CSMD1: variants seen among roughly 807,000 people sequenced by gnomAD.
The protein encoded by CSMD1 is CUB and sushi domain-containing protein 1.
In CSMD1, 213 loss-of-function variants were observed where a neutral mutation model predicts 417.5. The observed-to-expected ratio is 0.51, with a 90% CI of 0.46 to 0.57. CSMD1 has a LOEUF of 0.57. Among genes scored for constraint, CSMD1 ranks in the 20% least tolerant of loss-of-function variants. The pLI is 0.00. For synonymous variants in CSMD1, 2,862 were observed against 1,736.8 expected (o/e 1.65, Z -16.11); for missense variants, 6,923 against 4,529.7 (o/e 1.53, Z -15.17).
At chr8:4,952,930 A>C (rs749711137) in intron 1 of CSMD1, among the ~76,000 whole-genome samples, 2 of 152,180 alleles carry the variant, frequency 1.3e-5, no homozygotes, top group Non-Finnish European at 2.9e-5. Context: ...ACTGCTACAT[A>C]CTACAAGACA....
chr8:3,035,179 T>C (rs1585197056), intron 50 of CSMD1, among the ~76,000 whole-genome samples: 1 of 152,254 alleles, frequency 6.6e-6, no homozygotes, highest in South Asian at 2.1e-4. Context: ...ACAGGGCTGT[T>C]CCCTGTACCT....
chr8:3,542,935 G>A (rs569176392), intron 10 of CSMD1, among the ~76,000 whole-genome samples: 10 of 150,806 alleles, frequency 6.6e-5, no homozygotes, highest in Non-Finnish European at 1.5e-4. Context: ...GCTCTCCTGA[G>A]ACTTGGGGGA....
chr8:3,468,515 A>G (rs1816910529), intron 12 of CSMD1, among the ~76,000 whole-genome samples, 197 bp downstream of exon 12: 1 of 152,182 alleles, frequency 6.6e-6, no homozygotes, highest in African/African-American at 2.4e-5. Context: ...TATCATGGCA[A>G]GCCGAGTTTT....
intron 18 of CSMD1, chr8:3,375,008 A>C (rs1810215962): frequency 6.6e-6 from 1 of 152,214 alleles, no homozygotes; most frequent in African/African-American, 2.4e-5. Flanking sequence ...TCCGTGTTAG[A>C]GACGGCAGTG....
intron 3 of CSMD1, among the ~76,000 whole-genome samples, chr8:4,220,949 G>A (rs148902892): frequency 3.8e-4 from 58 of 152,284 alleles, no homozygotes; most frequent in East Asian, 2.1e-3. Context: ...CACACCACAC[G>A]GTTGAGTGCG....
At chr8:4,348,976 C>G (rs185165703) in intron 3 of CSMD1, among the ~76,000 whole-genome samples, 222 of 152,232 alleles carry the variant, frequency 1.5e-3, no homozygotes, top group African/African-American at 4.9e-3. Flanking sequence ...GCACCATATG[C>G]AAAAACAGGA....
chr8:3,588,841 G>A (rs773326980), intron 8 of CSMD1, among the ~76,000 whole-genome samples: 1 of 152,004 alleles, frequency 6.6e-6, no homozygotes, highest in Non-Finnish European at 1.5e-5. Context: ...CTGCTAATGC[G>A]TTCATATCCA....
At chr8:3,057,355 T>A (rs1433581611) in intron 49 of CSMD1, among the ~76,000 whole-genome samples, 1 of 152,186 alleles carries the variant, frequency 6.6e-6, no homozygotes, top group Non-Finnish European at 1.5e-5. Flanking sequence ...TTAGTAAGAT[T>A]ATAATCAAAT....
intron 1 of CSMD1, among the ~76,000 whole-genome samples, chr8:4,798,927 A>C (rs1477046836): frequency 6.6e-6 from 1 of 152,214 alleles, no homozygotes; most frequent in African/African-American, 2.4e-5. Flanking sequence ...AACTGTTTGC[A>C]TCGGCCATTC....
intron 12 of CSMD1, among the ~76,000 whole-genome samples, chr8:3,466,290 T>G (rs538632854): frequency 3.5e-4 from 54 of 152,254 alleles, no homozygotes; most frequent in Non-Finnish European, 6.8e-4. Flanking sequence ...GAACCAGTAT[T>G]CAGGGGAGTA....
chr8:4,582,852 G>T (rs573151445), intron 2 of CSMD1, among the ~76,000 whole-genome samples: 1 of 152,214 alleles, frequency 6.6e-6, no homozygotes, highest in African/African-American at 2.4e-5. Flanking sequence ...GGGAACCAGG[G>T]CTGTGCGAGG....
chr8:4,939,845 G>A (rs1190646134), intron 1 of CSMD1, among the ~76,000 whole-genome samples: 1 of 152,066 alleles, frequency 6.6e-6, no homozygotes, highest in Admixed American at 6.5e-5. Flanking sequence ...TAGCATGGAA[G>A]TGAATAAGCT....
At chr8:3,635,248 G>C (rs776251752) in intron 7 of CSMD1, among the ~76,000 whole-genome samples, 41 of 151,972 alleles carry the variant, frequency 2.7e-4, no homozygotes, top group Non-Finnish European at 4.7e-4. Flanking sequence ...ATCCTAGGTG[G>C]GTGGATCATG....
intron 1 of CSMD1, among the ~76,000 whole-genome samples, chr8:4,698,899 T>C (rs1807313979): frequency 7.2e-6 from 1 of 138,598 alleles, no homozygotes; most frequent in South Asian, 2.4e-4. Context: ...GTGCATACCC[T>C]CCCAACACAC....
intron 54 of CSMD1, among the ~76,000 whole-genome samples, chr8:2,985,442 T>C (rs817250): frequency 0.024 from 2,946 of 122,240 alleles, 67 homozygotes; most frequent in African/African-American, 0.11. Context: ...TGCTACACTG[T>C]TTCACCACGT....
chr8:3,474,106 G>A (rs529226121), intron 11 of CSMD1, among the ~76,000 whole-genome samples: 1 of 152,102 alleles, frequency 6.6e-6, no homozygotes, highest in Non-Finnish European at 1.5e-5. Flanking sequence ...GGGACACAGA[G>A]CCAAGTCATA....
chr8:4,548,148 A>C (rs1044411930), intron 2 of CSMD1, among the ~76,000 whole-genome samples: 14 of 152,112 alleles, frequency 9.2e-5, no homozygotes, highest in Non-Finnish European at 1.9e-4. Context: ...ATGGTACCGA[A>C]TGTCTAGGAT....
intron 12 of CSMD1, among the ~76,000 whole-genome samples, chr8:3,443,329 A>G (rs540780192): frequency 6.6e-6 from 1 of 152,266 alleles, no homozygotes; most frequent in South Asian, 2.1e-4. Context: ...CAGCCAGAGA[A>G]AGAGGAGAGA....
At chr8:3,863,130 G>A (rs573017973) in intron 5 of CSMD1, among the ~76,000 whole-genome samples, 120 of 152,260 alleles carry the variant, frequency 7.9e-4, no homozygotes, top group Non-Finnish European at 1.4e-3. Context: ...GGGCGCGGTG[G>A]CTAATGCCTG....
Sources: allele counts gnomAD v4.1 joint callset (sites outside exome capture counted in the v4.1 genomes callset), GRCh38; gene constraint gnomAD v4.1.1; transcripts MANE v1.5; gene names NCBI Gene and HGNC (gene_info 2026-07-23, HGNC 2026-07-21).